The following CDH18 variants were observed in gnomAD, a reference collection of about 807,000 sequenced individuals.
CDH18 encodes cadherin-18.
CDH18 carries 31 observed loss-of-function variants against 67.9 expected under a neutral mutation model. That is an observed-to-expected ratio of 0.46 (90% CI 0.34 to 0.62). The LOEUF is 0.62. Among genes scored for constraint, CDH18 ranks in the 20% least tolerant of loss-of-function variants. The pLI is 0.01. For synonymous variants in CDH18, 362 were observed against 347.2 expected (o/e 1.04, Z -0.48); for missense variants, 890 against 975.5 (o/e 0.91, Z 1.17).
intron 1 of CDH18, among the ~76,000 whole-genome samples, chr5:20,321,745 G>T (rs1301884247): frequency 6.6e-6 from 1 of 151,104 alleles, no homozygotes; most frequent in African/African-American, 2.4e-5. Context: ...CATAATCATA[G>T]CTATTGTCCC....
At chr5:19,900,527 T>C (rs991191331) in intron 2 of CDH18, among the ~76,000 whole-genome samples, 3 of 152,156 alleles carry the variant, frequency 2.0e-5, no homozygotes, top group Non-Finnish European at 4.4e-5. Flanking sequence ...AATTACACAA[T>C]GTGTACATGT....
intron 1 of CDH18, among the ~76,000 whole-genome samples, chr5:20,418,508 G>A (rs1050829400): frequency 6.6e-6 from 1 of 151,836 alleles, no homozygotes; most frequent in Middle Eastern, 3.4e-3. Context: ...TTCCTAGAGT[G>A]ACATTTGCTA....
intron 4 of CDH18, among the ~76,000 whole-genome samples, chr5:19,730,230 T>G (rs1226145004): frequency 6.6e-6 from 1 of 152,206 alleles, no homozygotes; most frequent in Non-Finnish European, 1.5e-5. Context: ...AGTCCCTCCA[T>G]TTTTGTAACT....
At chr5:19,643,367 A>C (rs10036769) in intron 5 of CDH18, among the ~76,000 whole-genome samples, 1 of 151,512 alleles carries the variant, frequency 6.6e-6, no homozygotes, top group Non-Finnish European at 1.5e-5. Context: ...ATATTTTGAG[A>C]AGATAACTAT....
At chr5:20,411,188 T>C (rs1052298233) in intron 1 of CDH18, among the ~76,000 whole-genome samples, 1 of 151,946 alleles carries the variant, frequency 6.6e-6, no homozygotes, top group Non-Finnish European at 1.5e-5. Context: ...ATATCACACA[T>C]CTTGGGCTCA....
At chr5:20,154,440 G>A (rs562731488) in intron 2 of CDH18, among the ~76,000 whole-genome samples, 1 of 152,134 alleles carries the variant, frequency 6.6e-6, no homozygotes, top group Admixed American at 6.6e-5. Flanking sequence ...TCATGAGCTC[G>A]ACAGTCTTCC....
At chr5:19,590,614 T>A (rs1180889080) in intron 7 of CDH18, among the ~76,000 whole-genome samples, 1 of 152,112 alleles carries the variant, frequency 6.6e-6, no homozygotes, top group East Asian at 1.9e-4. Flanking sequence ...ATAGTTCTAC[T>A]GTAGAATCAC....
intron 1 of CDH18, among the ~76,000 whole-genome samples, chr5:20,320,235 G>A (rs1478683294): frequency 6.6e-6 from 1 of 152,018 alleles, no homozygotes; most frequent in Non-Finnish European, 1.5e-5. Context: ...ATAATATCAA[G>A]AGCTACAAAG....
chr5:19,522,620 CATGGTGGCTCACGCCT>C (rs1747083474), intron 9 of CDH18, among the ~76,000 whole-genome samples: 1 of 152,088 alleles, frequency 6.6e-6, no homozygotes, highest in South Asian at 2.1e-4. Flanking sequence ...GCACGCCGGG[CATGGTGGCTCACGCCT>C]GTAATCCCAG....
At chr5:19,643,892 A>T (rs1368348643) in intron 5 of CDH18, among the ~76,000 whole-genome samples, 1 of 152,200 alleles carries the variant, frequency 6.6e-6, no homozygotes, top group African/African-American at 2.4e-5. Context: ...AGTTAGTTTG[A>T]TCGTGATAAA....
chr5:19,735,497 G>T (rs976398557), intron 4 of CDH18, among the ~76,000 whole-genome samples: 1 of 150,692 alleles, frequency 6.6e-6, no homozygotes, highest in African/African-American at 2.4e-5. Flanking sequence ...CTGGGTTCAC[G>T]CCATTCTCCT....
chr5:19,782,642 T>C (rs367895208), intron 3 of CDH18, among the ~76,000 whole-genome samples: 8 of 152,274 alleles, frequency 5.3e-5, no homozygotes, highest in African/African-American at 1.7e-4. Flanking sequence ...AATATCTGCA[T>C]TTACATGAGC....
intron 8 of CDH18, among the ~76,000 whole-genome samples, chr5:19,555,326 A>T (rs1349879137): frequency 3.3e-5 from 5 of 152,150 alleles, no homozygotes; most frequent in African/African-American, 7.2e-5. Flanking sequence ...ATAGCTGAGG[A>T]ATTGTGAGTT....
chr5:19,978,035 C>A (rs1334058361), intron 2 of CDH18, among the ~76,000 whole-genome samples: 3 of 151,940 alleles, frequency 2.0e-5, no homozygotes, highest in African/African-American at 7.2e-5. Flanking sequence ...AAGTAAAAAG[C>A]AGAGAGGGTA....
chr5:19,800,099 A>G (rs2149843902), intron 3 of CDH18, among the ~76,000 whole-genome samples: 1 of 152,314 alleles, frequency 6.6e-6, no homozygotes, highest in Middle Eastern at 3.4e-3. Context: ...GTAATAAATG[A>G]TTGATAAAGA....
At chr5:20,344,493 G>A (rs1227228852) in intron 1 of CDH18, among the ~76,000 whole-genome samples, 1 of 151,806 alleles carries the variant, frequency 6.6e-6, no homozygotes, top group African/African-American at 2.4e-5. Flanking sequence ...TAATTAATAC[G>A]ATAATTACTC....
At chr5:20,093,142 T>C (rs1745588648) in intron 2 of CDH18, among the ~76,000 whole-genome samples, 1 of 151,746 alleles carries the variant, frequency 6.6e-6, no homozygotes, top group Non-Finnish European at 1.5e-5. Context: ...GACGGTGAGG[T>C]GGGAGGAAGC....
chr5:20,200,151 T>C (rs1234877066), intron 2 of CDH18, among the ~76,000 whole-genome samples: 1 of 152,236 alleles, frequency 6.6e-6, no homozygotes, highest in African/African-American at 2.4e-5. Context: ...CAGACTCTTT[T>C]GAATTTAGTT....
intron 5 of CDH18, among the ~76,000 whole-genome samples, chr5:19,674,870 A>T (rs1759247305): frequency 6.6e-6 from 1 of 152,158 alleles, no homozygotes; most frequent in South Asian, 2.1e-4. Flanking sequence ...AATCCAGAAA[A>T]TTGAAGGATG....
Sources: allele counts gnomAD v4.1 joint callset (sites outside exome capture counted in the v4.1 genomes callset), GRCh38; gene constraint gnomAD v4.1.1; transcripts MANE v1.5; gene names NCBI Gene and HGNC (gene_info 2026-07-23, HGNC 2026-07-21).